Variants in TENM4 observed in about 807,000 individuals in gnomAD.
TENM4 encodes teneurin-4.
TENM4 carries 82 observed loss-of-function variants against 243.3 expected under a neutral mutation model. The observed-to-expected ratio is 0.34, with a 90% CI of 0.28 to 0.40. The LOEUF is 0.40. Ranked by LOEUF, TENM4 falls within the 10% of genes least tolerant of loss-of-function variation. TENM4 has a pLI of 1.00. For missense variants in TENM4, 3,138 were observed against 3,673.3 expected, an observed-to-expected ratio of 0.85 and a Z score of 3.77; for synonymous variants, 1,412 against 1,456.3, an observed-to-expected ratio of 0.97 and a Z score of 0.69.
intron 19 of TENM4, among the ~76,000 whole-genome samples, chr11:78,742,527 T>A (rs890627007): frequency 1.5e-4 from 23 of 152,190 alleles, no homozygotes; most frequent in African/African-American, 5.3e-4. Flanking sequence ...TGCCCCCGTG[T>A]AGTTTTCTCT....
intron 23 of TENM4, among the ~76,000 whole-genome samples, chr11:78,725,073 G>A (rs1565350372): frequency 6.6e-6 from 1 of 152,200 alleles, no homozygotes; most frequent in Non-Finnish European, 1.5e-5. Flanking sequence ...TGGGGCCAAA[G>A]CTTAGTTTAA....
chr11:79,226,353 CT>C (rs1864265149), intron 2 of TENM4, among the ~76,000 whole-genome samples: 2 of 152,342 alleles, frequency 1.3e-5, no homozygotes, highest in South Asian at 4.1e-4. Context: ...GCAGCAAGGG[CT>C]CCCAGCTAGC....
In TENM4 at chr11:78,903,739, C is replaced by T. The variant is rs1855995619; in HGVS notation, c.494-216G>A. 6.4e-6 allele frequency: 5 copies of T among 782,940 alleles called. No homozygotes were observed. The South Asian group carries it at 7.4e-5, about 12-fold the overall frequency. 48.5% of individuals were successfully genotyped at this position (782,940 alleles called of 1,614,324 possible). On this transcript the variant is annotated intron_variant, in intron 6 of 33. Transcript: ENST00000278550. Reference sequence around the variant, plus strand: ...AACCAACTAAACAGACAAAAATTCCCGTCCCCACTGAGCTTAAATTCTAGC... The same window carrying T: ...AACCAACTAAACAGACAAAAATTCCTGTCCCCACTGAGCTTAAATTCTAGC...
At position 78,656,793 on chromosome 11, in the gene TENM4, T is replaced by C; in HGVS notation, c.*1265A>G. 1 of 383,508 alleles carries C rather than the reference T, an allele frequency of 2.6e-6. No homozygotes were observed. Among genetic ancestry groups the C allele is most frequent in the Non-Finnish European group, 4.6e-6 (1 of 216,936 alleles). The allele number at this position is 383,508 out of a possible 1,614,324, so 23.8% of individuals were successfully genotyped here. A position where few individuals can be genotyped will look rare whatever the true frequency, so the allele number is the denominator to read the frequency against. On this transcript the variant is annotated 3_prime_UTR_variant, in exon 34 of 34. Coordinates refer to ENST00000278550, the MANE Select transcript of TENM4 (RefSeq NM_001098816.3). ...TCTAGAGGGGAAGCTGTTTCAGAACTTCAGGAATTTCCTGGAAGCCCAGCC... is the reference window on the plus strand; with the variant it reads ...TCTAGAGGGGAAGCTGTTTCAGAACCTCAGGAATTTCCTGGAAGCCCAGCC...
At chr11:79,056,084 C>G (rs747137036) in intron 6 of TENM4, among the ~76,000 whole-genome samples, 5 of 152,160 alleles carry the variant, frequency 3.3e-5, no homozygotes, top group Admixed American at 6.5e-5. Flanking sequence ...GTTCAAGCAG[C>G]CTCAGAAACC....
chr11:79,236,693 C>A (rs1247425381), intron 2 of TENM4, among the ~76,000 whole-genome samples: 9 of 152,180 alleles, frequency 5.9e-5, no homozygotes, highest in Non-Finnish European at 2.9e-5. Context: ...CTTCAACCTC[C>A]TTCCAGTGTG....
rs141783282 is a variant in TENM4 at position 78,962,719 on chromosome 11, C to T, written c.494-59196G>A. On this transcript the variant is annotated intron_variant, in intron 6 of 33. Transcript: ENST00000278550. ...CCCCTCTCTGGCCTCAGTGGCCTCG[C>T]TGATAAAAGCAGCAGTGGGGACTGG... Among the ~76,000 whole-genome samples the T allele has an allele frequency of 2.3e-4, 35 of 152,364 alleles. No individual in the cohort carries two copies. The East Asian group carries it at 4.6e-3, about 20-fold the overall frequency.
chr11:78,676,106 C>T (rs1249562874), intron 30 of TENM4, 46 bp downstream of exon 30: 5 of 1,426,926 alleles, frequency 3.5e-6, no homozygotes, highest in Non-Finnish European at 3.7e-6. Context: ...TCCCGTTCCC[C>T]ATTCTTTCCC....
At chr11:79,001,782 C>T (rs1271397352) in intron 6 of TENM4, among the ~76,000 whole-genome samples, 3 of 152,170 alleles carry the variant, frequency 2.0e-5, no homozygotes, top group African/African-American at 7.2e-5. Flanking sequence ...TGCCTACTTG[C>T]AATGCAGCCT....
intron 28 of TENM4, among the ~76,000 whole-genome samples, chr11:78,690,281 A>G (rs1858788050): frequency 6.6e-6 from 1 of 152,164 alleles, no homozygotes; most frequent in Non-Finnish European, 1.5e-5. Flanking sequence ...CTTCTCTCAC[A>G]TGGAGACCCT....
intron 2 of TENM4, among the ~76,000 whole-genome samples, chr11:79,216,241 A>T (rs1036826194): frequency 1.3e-5 from 2 of 152,216 alleles, no homozygotes; most frequent in African/African-American, 2.4e-5. Context: ...CAGGACAGGG[A>T]CTGAAGATCT....
rs773229132 is a variant in TENM4 at position 79,438,422 on chromosome 11, AC to A, written c.-321+2086del. Among the ~76,000 whole-genome samples the A allele has an allele frequency of 1.6e-4, 25 of 152,152 alleles. No individual in the cohort carries two copies. The highest frequency in any genetic ancestry group is 2.8e-4 in the Non-Finnish European group (19 of 67,988). ...GGCGAAGGAACGGAAGCCATACCCG[AC>A]CCCAGCCCCATCCCGTCCCCATCAG... On this transcript the variant is annotated intron_variant, in intron 1 of 33. Coordinates refer to ENST00000278550, the MANE Select transcript of TENM4 (RefSeq NM_001098816.3). This position sits in a 1 kb window ranked among gnomAD's most constrained non-coding sequence, Gnocchi z 4.1.
intron 6 of TENM4, among the ~76,000 whole-genome samples, chr11:78,981,983 G>C (rs1178680834): frequency 2.0e-5 from 3 of 152,146 alleles, no homozygotes; most frequent in African/African-American, 7.2e-5. Flanking sequence ...CCCCAGGTCA[G>C]GACTTGCCAC....
At chr11:78,715,406 T>G (rs2135815941) in intron 25 of TENM4, among the ~76,000 whole-genome samples, 1 of 152,260 alleles carries the variant, frequency 6.6e-6, no homozygotes, top group East Asian at 1.9e-4. Context: ...TGAGGGGGTA[T>G]GGTGAGGGGG....
At chr11:79,244,143 T>C (rs964232741) in intron 2 of TENM4, among the ~76,000 whole-genome samples, 27 of 152,176 alleles carry the variant, frequency 1.8e-4, no homozygotes, top group African/African-American at 5.8e-4. Flanking sequence ...AGTTTGTGAC[T>C]CAGAAGGTGT....
chr11:79,268,163 C>G (rs1282660857), intron 2 of TENM4, among the ~76,000 whole-genome samples: 3 of 152,162 alleles, frequency 2.0e-5, no homozygotes, highest in Admixed American at 6.5e-5. Flanking sequence ...AAGAGAAAAT[C>G]TGGAGTACTA....
At chr11:79,002,380 G>A (rs1033267572) in intron 6 of TENM4, among the ~76,000 whole-genome samples, 2 of 152,216 alleles carry the variant, frequency 1.3e-5, no homozygotes, top group African/African-American at 4.8e-5. Flanking sequence ...CTTCCCTGAT[G>A]AGGTGCTCTG....
At chr11:78,961,874 C>T (rs1482387887) in intron 6 of TENM4, among the ~76,000 whole-genome samples, 2 of 151,480 alleles carry the variant, frequency 1.3e-5, no homozygotes. Context: ...TGATGTCTGT[C>T]TGTGCATCTT....
At chr11:79,094,557 T>G (rs550848996) in intron 4 of TENM4, among the ~76,000 whole-genome samples, 1 of 152,210 alleles carries the variant, frequency 6.6e-6, no homozygotes, top group South Asian at 2.1e-4. Flanking sequence ...CAGTGAGAAG[T>G]GTCAAATTCC....
Sources: allele counts gnomAD v4.1 joint callset (sites outside exome capture counted in the v4.1 genomes callset), GRCh38; gene constraint gnomAD v4.1.1; non-coding constraint Gnocchi (gnomAD v3.1); transcripts MANE v1.5; gene names NCBI Gene and HGNC (gene_info 2026-07-23, HGNC 2026-07-21).